Variants in EXOC4 observed in about 807,000 individuals in gnomAD.
EXOC4 encodes the protein exocyst complex component 4.
EXOC4 carries 71 observed loss-of-function variants against 107.2 expected under a neutral mutation model. The observed-to-expected ratio is 0.66, with a 90% CI of 0.55 to 0.81. The LOEUF (loss-of-function observed/expected upper bound fraction) is 0.81, where lower values mean the gene tolerates loss of function less well. Among genes scored for constraint, EXOC4 ranks in the 30% least tolerant of loss-of-function variants. The pLI is 0.00. For missense variants in EXOC4, 1,108 were observed against 1,189.6 expected (o/e 0.93, Z 1.01); for synonymous variants, 456 against 441.2 (o/e 1.03, Z -0.42).
chr7:133,997,508 AG>A lies in EXOC4; in HGVS notation c.2224del (p.Asp742ThrfsTer41), dbSNP rs1794422770. On this transcript the variant is annotated frameshift_variant, in exon 15 of 18. Coordinates refer to ENST00000253861, the MANE Select transcript of EXOC4 (RefSeq NM_021807.4). LOFTEE classifies it high-confidence loss of function. ...STSQMLSPAQ[D>X]SHTNTDLPPV... ...ACCTTTCAGTGCTTTCTCCTGCTCAAGACAGCCACACGAACACGGATCTCCC... is the reference window on the plus strand; with the variant it reads ...ACCTTTCAGTGCTTTCTCCTGCTCAAACAGCCACACGAACACGGATCTCCC... 6.2e-7 allele frequency: 1 copy of A among 1,613,684 alleles called. No individual in the cohort carries two copies. Among genetic ancestry groups the A allele is most frequent in the East Asian group, 2.2e-5 (1 of 44,868 alleles).
chr7:133,825,197 A>C (rs546623611), intron 11 of EXOC4, among the ~76,000 whole-genome samples: 1 of 151,116 alleles, frequency 6.6e-6, no homozygotes, highest in African/African-American at 2.4e-5. Context: ...AAAAAAAAAA[A>C]GAAAGAAAGA....
chr7:133,701,471 AT>A (rs1794654370), intron 10 of EXOC4, among the ~76,000 whole-genome samples: 1 of 152,130 alleles, frequency 6.6e-6, no homozygotes, highest in Admixed American at 6.5e-5. Flanking sequence ...GGTTAGAGTG[AT>A]TCCCCCATTA....
Position 133,475,391 on chromosome 7 carries a change from C to T in EXOC4, c.1246C>T (p.Leu416=). The change falls in exon 8 of 18, where the codon CTA becomes TTA. Residue 416 remains leucine (L), a synonymous_variant. Transcript: ENST00000253861. ...TRTASEPSAQ[L]SYASTGREFA... ...TACGGCCTCTGAACCATCAGCTCAACTAAGCTATGCCAGCACTGGACGAGA... is the reference window on the plus strand; with the variant it reads ...TACGGCCTCTGAACCATCAGCTCAATTAAGCTATGCCAGCACTGGACGAGA... 5.0e-6 allele frequency: 8 copies of T among 1,613,994 alleles called. No individual in the cohort carries two copies. The highest frequency in any genetic ancestry group is 6.8e-6 in the Non-Finnish European group (8 of 1,179,888).
intron 6 of EXOC4, among the ~76,000 whole-genome samples, 196 bp downstream of exon 6, chr7:133,356,769 T>C (rs918712468): frequency 1.3e-5 from 2 of 151,972 alleles, no homozygotes; most frequent in Non-Finnish European, 2.9e-5. Context: ...TCACTTGAGG[T>C]CAGAAGTTTG....
intron 7 of EXOC4, among the ~76,000 whole-genome samples, chr7:133,413,581 T>C (rs1339319493): frequency 6.6e-6 from 1 of 152,176 alleles, no homozygotes; most frequent in Non-Finnish European, 1.5e-5. Context: ...GTGATGGAAG[T>C]GCAAGTGACT....
chr7:133,281,462 T>C (rs1168582065), intron 2 of EXOC4, among the ~76,000 whole-genome samples: 1 of 151,212 alleles, frequency 6.6e-6, no homozygotes, highest in African/African-American at 2.4e-5. Flanking sequence ...GCCAACAAAA[T>C]TCAACAAAAA....
chr7:133,630,886 A>G (rs1398993139), intron 10 of EXOC4, among the ~76,000 whole-genome samples: 1 of 152,182 alleles, frequency 6.6e-6, no homozygotes, highest in African/African-American at 2.4e-5. Context: ...AAAAAATATA[A>G]ATCCTAAATA....
intron 9 of EXOC4, among the ~76,000 whole-genome samples, chr7:133,588,959 CAT>C (rs138519689): frequency 0.13 from 19,909 of 151,526 alleles, 1,388 homozygotes; most frequent in East Asian, 0.23. Context: ...TGTGTGTGCA[CAT>C]ATGTGTGTGT....
chr7:133,781,251 T>G (rs1176302673), intron 10 of EXOC4, among the ~76,000 whole-genome samples: 2 of 152,226 alleles, frequency 1.3e-5, no homozygotes, highest in Non-Finnish European at 2.9e-5. Flanking sequence ...ATTCTGGGTT[T>G]TCTCGTCCAT....
intron 10 of EXOC4, among the ~76,000 whole-genome samples, chr7:133,732,057 A>G (rs1198384401): frequency 6.6e-6 from 1 of 152,188 alleles, no homozygotes; most frequent in Non-Finnish European, 1.5e-5. Flanking sequence ...CCCATCAGTG[A>G]TAGACTGGAC....
chr7:133,383,111 C>G (rs1472045150), intron 7 of EXOC4, among the ~76,000 whole-genome samples: 1 of 152,060 alleles, frequency 6.6e-6, no homozygotes, highest in Non-Finnish European at 1.5e-5. Flanking sequence ...TACTTGGTGA[C>G]AAGTGTGTCA....
Position 133,504,430 on chromosome 7 carries a change from C to T in EXOC4, c.1417+24292C>T, listed in dbSNP as rs545807112. On this transcript the variant is annotated intron_variant, in intron 9 of 17. Transcript: ENST00000253861. ...TACAGTTTGATATAGCTCAATTGAT[C>T]GTTTAATTAAGGAACTTGATTTGCT... 5.3e-5 allele frequency among the ~76,000 whole-genome samples: 8 copies of T among 152,048 alleles called. No individual in the cohort carries two copies. The East Asian group carries it at 1.2e-3, about 22-fold the overall frequency.
intron 7 of EXOC4, among the ~76,000 whole-genome samples, chr7:133,399,982 T>G (rs1204983423): frequency 1.3e-5 from 2 of 152,244 alleles, no homozygotes; most frequent in Non-Finnish European, 2.9e-5. Flanking sequence ...AGCTAAGGAC[T>G]CATAGTGAAC....
chr7:133,954,880 C>T (rs1198341821), intron 14 of EXOC4, among the ~76,000 whole-genome samples: 1 of 152,252 alleles, frequency 6.6e-6, no homozygotes, highest in Non-Finnish European at 1.5e-5. Flanking sequence ...TAGGCACCAG[C>T]TGTCTGTGAG....
chr7:133,645,124 C>T (rs1201784592), intron 10 of EXOC4, among the ~76,000 whole-genome samples: 3 of 131,670 alleles, frequency 2.3e-5, no homozygotes, highest in African/African-American at 8.7e-5. Context: ...TGGAATCTTG[C>T]TCTGTTGCCC....
At chr7:133,488,646 A>G (rs995466000) in intron 9 of EXOC4, among the ~76,000 whole-genome samples, 1 of 152,176 alleles carries the variant, frequency 6.6e-6, no homozygotes, top group African/African-American at 2.4e-5. Context: ...ATAAATTTCC[A>G]ATAGGTTGAT....
rs572884671 is a variant in EXOC4 at position 133,369,868 on chromosome 7, G to T, written c.1008-4960G>T. Among the ~76,000 whole-genome samples the T allele has an allele frequency of 2.1e-3, 299 of 140,266 alleles. 1 individual carries two copies. Among genetic ancestry groups the T allele is most frequent in the African/African-American group, 7.5e-3 (281 of 37,328 alleles). The allele number at this position is 140,266 out of a possible 152,430, so 92.0% of individuals were successfully genotyped here. A position where few individuals can be genotyped will look rare whatever the true frequency, so the allele number is the denominator to read the frequency against. ...ATTGCCCAGGCTGGAGTGCAATGGC[G>T]CAATTTGGCTCACCCAACCTTTGCC... On this transcript the variant is annotated intron_variant, in intron 6 of 17. Transcript: ENST00000253861.
intron 10 of EXOC4, among the ~76,000 whole-genome samples, chr7:133,736,368 C>G (rs760458139): frequency 2.0e-5 from 3 of 152,134 alleles, no homozygotes; most frequent in Non-Finnish European, 4.4e-5. Context: ...ATCTGGGTTG[C>G]TTTTAGAAAC....
At chr7:133,449,564 A>C (rs535218318) in intron 7 of EXOC4, among the ~76,000 whole-genome samples, 1 of 152,316 alleles carries the variant, frequency 6.6e-6, no homozygotes, top group South Asian at 2.1e-4. Flanking sequence ...ATTTAGTGTT[A>C]CAGGAAGTAT....
Sources: allele counts gnomAD v4.1 joint callset (sites outside exome capture counted in the v4.1 genomes callset), GRCh38; gene constraint gnomAD v4.1.1; transcripts MANE v1.5; gene names NCBI Gene and HGNC (gene_info 2026-07-23, HGNC 2026-07-21).